EPS15L1: variants seen among roughly 807,000 people sequenced by gnomAD.
EPS15L1 encodes epidermal growth factor receptor substrate 15-like 1.
In EPS15L1, 43 loss-of-function variants were observed where a neutral mutation model predicts 117.1. That is an observed-to-expected ratio of 0.37 (90% CI 0.29 to 0.47). The LOEUF is 0.47. Among genes scored for constraint, EPS15L1 ranks in the 20% least tolerant of loss-of-function variants. The pLI, the probability that EPS15L1 is intolerant of heterozygous loss-of-function variation, is 0.99. For missense variants in EPS15L1, 981 were observed against 1,164.0 expected, an observed-to-expected ratio of 0.84 and a Z score of 2.29; for synonymous variants, 459 against 470.5, an observed-to-expected ratio of 0.98 and a Z score of 0.32.
chr19:16,411,828 T>C (rs750315979), intron 13 of EPS15L1, among the ~76,000 whole-genome samples: 3 of 151,988 alleles, frequency 2.0e-5, no homozygotes, highest in Non-Finnish European at 4.4e-5. Context: ...GCCTCCTGAG[T>C]AACTGGGACT....
Position 16,425,169 on chromosome 19 carries a change from G to A in EPS15L1, c.706C>T (p.Leu236Phe), listed in dbSNP as rs1190174740. 2.5e-6 allele frequency: 4 copies of A among 1,613,688 alleles called. No individual in the cohort carries two copies. In the East Asian group the frequency reaches 6.7e-5, roughly 27 times the overall value. ...CTGCCGTGGGACGGCGTGGAGCGGA[G>A]GCTGTCTTTTGGTGGGGGGCTGGCA... ...LPASPPPKDS[L>F]RSTPSHGSVS... The change falls in exon 9 of 24, where the codon CTC becomes TTC. Residue 236 changes from leucine (L) to phenylalanine (F), a missense_variant. Physicochemically the swap from Leu to Phe is conservative, Grantham distance 22. Transcript: ENST00000455140.
chr19:16,435,459 T>A (rs1352315630), intron 6 of EPS15L1, among the ~76,000 whole-genome samples: 1 of 152,180 alleles, frequency 6.6e-6, no homozygotes, highest in African/African-American at 2.4e-5. Flanking sequence ...AAACTTAACA[T>A]TCCTGAACTG....
At chr19:16,394,551 C>T (rs2092519387) in intron 17 of EPS15L1, among the ~76,000 whole-genome samples, 1 of 152,212 alleles carries the variant, frequency 6.6e-6, no homozygotes, top group Non-Finnish European at 1.5e-5. Context: ...GAGCCTTCCT[C>T]CTGGAAATAC....
At chr19:16,424,973 T>C in intron 9 of EPS15L1, 110 bp downstream of exon 9, 1 of 1,038,750 alleles carries the variant, frequency 9.6e-7, no homozygotes, top group Admixed American at 1.9e-5. Context: ...AAGCATTTTT[T>C]AAAGACATTT....
intron 1 of EPS15L1, among the ~76,000 whole-genome samples, chr19:16,446,316 C>T (rs139054167): frequency 6.8e-4 from 104 of 152,286 alleles, no homozygotes; most frequent in African/African-American, 2.4e-3. Flanking sequence ...GAGGGCAGGA[C>T]GCCTCCTACA....
intron 1 of EPS15L1, among the ~76,000 whole-genome samples, chr19:16,464,086 AGAG>A (rs1224925677): frequency 6.6e-6 from 1 of 152,230 alleles, no homozygotes; most frequent in Non-Finnish European, 1.5e-5. Context: ...GGTGTGCCCA[AGAG>A]GAGGAGAAGT....
chr19:16,440,859 T>C lies in EPS15L1; in HGVS notation c.213+3A>G. 1 of 1,614,074 alleles carries C rather than the reference T, an allele frequency of 6.2e-7. No homozygotes were observed. ...CATTTGCTCTGTGTACATGTGTATA[T>C]ACCTGTTTGTCCAAGAACCCTTTAC... is the stretch of plus-strand genomic sequence containing the variant. On this transcript the variant is annotated splice_donor_region_variant and intron_variant, in intron 4 of 23. Transcript: ENST00000455140.
rs2092642804 is a variant in EPS15L1 at position 16,405,070 on chromosome 19, A to C, written c.1267-321T>G. Reference sequence around the variant, plus strand: ...CATGCAGCTGTGGCTGCGGAGGGGAACATCACCCAAACGCAAATAAACGTG... The same window carrying C: ...CATGCAGCTGTGGCTGCGGAGGGGACCATCACCCAAACGCAAATAAACGTG... On this transcript the variant is annotated intron_variant, in intron 13 of 23. Transcript: ENST00000455140. This position sits in a 1 kb window ranked among gnomAD's most constrained non-coding sequence, Gnocchi z 4.0. 6.6e-6 allele frequency among the ~76,000 whole-genome samples: 1 copy of C among 152,220 alleles called. No homozygotes were observed. Among genetic ancestry groups the C allele is most frequent in the South Asian group, 2.1e-4 (1 of 4,838 alleles).
intron 20 of EPS15L1, 33 bp downstream of exon 20, chr19:16,386,138 T>G: frequency 6.5e-7 from 1 of 1,543,654 alleles, no homozygotes; most frequent in South Asian, 1.1e-5. Flanking sequence ...GCCCAAGGAA[T>G]AGTCAGGAAG....
chr19:16,373,039 G>GGACATCA (rs1381687587), intron 22 of EPS15L1, among the ~76,000 whole-genome samples: 1 of 152,212 alleles, frequency 6.6e-6, no homozygotes, highest in Admixed American at 6.5e-5. Flanking sequence ...TGGGAGCATG[G>GGACATCA]GACATCAGAC....
At chr19:16,457,763 C>T (rs544579814) in intron 1 of EPS15L1, among the ~76,000 whole-genome samples, 67 of 152,236 alleles carry the variant, frequency 4.4e-4, no homozygotes, top group African/African-American at 1.5e-3. Context: ...TCACCCCTCC[C>T]GGGCATCTCA....
chr19:16,446,591 C>G (rs1193812880), intron 1 of EPS15L1, among the ~76,000 whole-genome samples: 1 of 152,156 alleles, frequency 6.6e-6, no homozygotes, highest in Non-Finnish European at 1.5e-5. Flanking sequence ...TTGCCCTACT[C>G]AGGACCACAA....
intron 21 of EPS15L1, 40 bp from the exon 22 acceptor site, chr19:16,377,294 T>C (rs778639035): frequency 6.2e-7 from 1 of 1,606,214 alleles, no homozygotes; most frequent in South Asian, 1.1e-5. Flanking sequence ...AAATAGTTGT[T>C]AAAACAAAGG....
intron 3 of EPS15L1, 95 bp downstream of exon 3, chr19:16,441,797 C>A: frequency 2.2e-6 from 2 of 928,410 alleles, no homozygotes; most frequent in East Asian, 2.5e-5. Flanking sequence ...GGAGGCCGGG[C>A]CCCATGGAAG....
chr19:16,400,791 A>G, intron 16 of EPS15L1: 1 of 985,434 alleles, frequency 1.0e-6, no homozygotes, highest in Non-Finnish European at 1.2e-6. Context: ...ATAACCAGAA[A>G]GGTAAAAATC....
In EPS15L1 at chr19:16,471,876, C is replaced by A; in HGVS notation, c.33+37G>T. The A allele has an allele frequency of 8.0e-7, 1 of 1,248,460 alleles. No homozygotes were observed. The highest frequency in any genetic ancestry group is 1.0e-6 in the Non-Finnish European group (1 of 974,644). 77.3% of individuals were successfully genotyped at this position (1,248,460 alleles called of 1,614,324 possible). ...GCCGCACCGCTCGCCTCGCGCCCCG[C>A]ACCCCGGCGCCGCCCCCAGGCCCGC... On this transcript the variant is annotated intron_variant, in intron 1 of 23. Transcript: ENST00000455140. This position sits in a 1 kb window ranked among gnomAD's most constrained non-coding sequence, Gnocchi z 4.8.
intron 19 of EPS15L1, among the ~76,000 whole-genome samples, chr19:16,388,369 T>A (rs1209211298): frequency 1.3e-5 from 2 of 152,064 alleles, no homozygotes; most frequent in Admixed American, 6.6e-5. Context: ...TTGAAAAGCA[T>A]AATTTACAGA....
chr19:16,395,543 A>T, intron 16 of EPS15L1, 76 bp from the exon 17 acceptor site: 2 of 1,436,200 alleles, frequency 1.4e-6, no homozygotes, highest in Non-Finnish European at 9.7e-7. Flanking sequence ...TCCATACTTA[A>T]CTCACATTTC....
chr19:16,402,805 G>C (rs1287677696), intron 15 of EPS15L1, among the ~76,000 whole-genome samples: 1 of 152,072 alleles, frequency 6.6e-6, no homozygotes, highest in African/African-American at 2.4e-5. Context: ...GTCTGGTCTT[G>C]AACTCCTGGC....
Sources: allele counts gnomAD v4.1 joint callset (sites outside exome capture counted in the v4.1 genomes callset), GRCh38; gene constraint gnomAD v4.1.1; non-coding constraint Gnocchi (gnomAD v3.1); transcripts MANE v1.5; gene names NCBI Gene and HGNC (gene_info 2026-07-23, HGNC 2026-07-21).